THRB: variants seen among roughly 807,000 people sequenced by gnomAD.
THRB encodes nuclear receptor subfamily 1 group A member 2.
THRB carries 12 observed loss-of-function variants against 47.8 expected under a neutral mutation model. The ratio of observed to expected loss-of-function variants is 0.25; its 90% CI spans 0.16 to 0.41. The LOEUF is 0.41. THRB is among the 10% of genes least tolerant of loss of function. THRB has a pLI of 1.00. For synonymous variants in THRB, 218 were observed against 212.2 expected, an observed-to-expected ratio of 1.03 and a Z score of -0.24; for missense variants, 348 against 589.2, an observed-to-expected ratio of 0.59 and a Z score of 4.24.
At position 24,204,697 on chromosome 3, in the gene THRB, A is replaced by G. The variant is rs62253681; in HGVS notation, c.23-14363T>C. ...AGAGAAGAAGGCTTCAGACAATCAA[A>G]CTTCTCTGAGCTAAAGGAGGAAATT... On this transcript the variant is annotated intron_variant, in intron 4 of 10. Transcript: ENST00000646209. 5.8e-3 allele frequency among the ~76,000 whole-genome samples: 887 copies of G among 152,300 alleles called. 8 individuals are homozygous for G. The highest frequency in any genetic ancestry group is 0.042 in the South Asian group (202 of 4,828).
intron 5 of THRB, among the ~76,000 whole-genome samples, chr3:24,182,449 G>C (rs1342845053): frequency 6.6e-6 from 1 of 152,166 alleles, no homozygotes; most frequent in Non-Finnish European, 1.5e-5. Flanking sequence ...TGATGGAAGA[G>C]TCAAGGGATT....
At position 24,487,088 on chromosome 3, in the gene THRB, A is replaced by C. The variant is rs189581938; in HGVS notation, c.-261+7564T>G. 1.2e-3 allele frequency among the ~76,000 whole-genome samples: 183 copies of C among 152,346 alleles called. 5 individuals carry two copies. Among genetic ancestry groups the C allele is most frequent in the Admixed American group, 0.011 (165 of 15,304 alleles). On this transcript the variant is annotated intron_variant, in intron 1 of 10. Transcript: ENST00000646209. ...GACAGAAATTTAGCAGGACTTTTGC[A>C]TTCTTGCAAAACACTTCAACAACAG...
chr3:24,426,356 T>C lies in THRB; in HGVS notation c.-261+68296A>G, dbSNP rs575475088. On this transcript the variant is annotated intron_variant, in intron 1 of 10. Coordinates refer to ENST00000646209, the MANE Select transcript of THRB (RefSeq NM_001354712.2). ...TAGTTATATAAAATTGGGTTGAATCTCTACCAAACCCAGGACATACTCTGG... is the reference window on the plus strand; with the variant it reads ...TAGTTATATAAAATTGGGTTGAATCCCTACCAAACCCAGGACATACTCTGG... Among the ~76,000 whole-genome samples the C allele has an allele frequency of 2.0e-5, 3 of 152,094 alleles. No homozygotes were observed. The South Asian group carries it at 6.2e-4, about 31-fold the overall frequency.
intron 4 of THRB, among the ~76,000 whole-genome samples, chr3:24,224,371 G>A (rs768709006): frequency 3.3e-5 from 5 of 152,098 alleles, no homozygotes; most frequent in Non-Finnish European, 5.9e-5. Context: ...TTGAGGAAGC[G>A]TGTTTATTGA....
Position 24,203,868 on chromosome 3 carries a change from C to G in THRB, c.23-13534G>C, listed in dbSNP as rs142440103. ...CACACCAGGAGATTATATCCCACGC[C>G]TGGCTTGGAGGGTCCCACGCCCACG... is the stretch of plus-strand genomic sequence containing the variant. On this transcript the variant is annotated intron_variant, in intron 4 of 10. Coordinates refer to ENST00000646209, the MANE Select transcript of THRB (RefSeq NM_001354712.2). Among the ~76,000 whole-genome samples, 12 of 152,382 alleles carry G rather than the reference C, an allele frequency of 7.9e-5. No homozygotes were observed. In the South Asian group the frequency reaches 1.0e-3, roughly 13 times the overall value.
chr3:24,462,481 C>T (rs199751625), intron 1 of THRB, among the ~76,000 whole-genome samples: 14 of 152,270 alleles, frequency 9.2e-5, no homozygotes, highest in Non-Finnish European at 2.1e-4. Flanking sequence ...AACGTATTGC[C>T]GAGGTCATAG....
chr3:24,396,644 C>T (rs757846147), intron 1 of THRB, among the ~76,000 whole-genome samples: 1 of 152,086 alleles, frequency 6.6e-6, no homozygotes, highest in Non-Finnish European at 1.5e-5. Flanking sequence ...CTCCGATTTC[C>T]TCTGTTTTCA....
intron 1 of THRB, among the ~76,000 whole-genome samples, chr3:24,361,501 T>A (rs1221777964): frequency 6.6e-6 from 1 of 152,058 alleles, no homozygotes; most frequent in African/African-American, 2.4e-5. Context: ...CAGGAGGCAT[T>A]TGGAAATTCT....
chr3:24,269,089 G>A lies in THRB; in HGVS notation c.-43+28137C>T, dbSNP rs959687600. Among the ~76,000 whole-genome samples the A allele has an allele frequency of 8.5e-5, 13 of 152,198 alleles. 1 individual carries two copies. The highest frequency in any genetic ancestry group is 1.4e-4 in the African/African-American group (6 of 41,542). ...TGGCAATATCAACATATTGCTTCAT[G>A]ACCAACATATTGCTTCAGTCATTTT... On this transcript the variant is annotated intron_variant, in intron 3 of 10. Transcript: ENST00000646209.
chr3:24,186,265 G>C (rs970420059), intron 5 of THRB, among the ~76,000 whole-genome samples: 1 of 152,166 alleles, frequency 6.6e-6, no homozygotes, highest in Non-Finnish European at 1.5e-5. Context: ...CAAGCTCCAG[G>C]TTCTCCTAGT....
rs899727559 is a variant in THRB, at chr3:24,466,255, G to GT, written c.-261+28396dup. On this transcript the variant is annotated intron_variant, in intron 1 of 10. Coordinates refer to ENST00000646209, the MANE Select transcript of THRB (RefSeq NM_001354712.2). ...TCATTTGATTATCTTGGGTTTTATT[G>GT]TTTTTTTTCCTCTTATTTACCATCT... is the stretch of plus-strand genomic sequence containing the variant. Among the ~76,000 whole-genome samples the GT allele has an allele frequency of 7.3e-5, 11 of 150,960 alleles. No individual in the cohort carries two copies. In the South Asian group the frequency reaches 1.7e-3, roughly 23 times the overall value.
intron 9 of THRB, among the ~76,000 whole-genome samples, chr3:24,130,061 T>C (rs2033592281): frequency 6.6e-6 from 1 of 152,144 alleles, no homozygotes; most frequent in Non-Finnish European, 1.5e-5. Context: ...TTCACCTCTT[T>C]TGGGTTTGAG....
At chr3:24,488,690 T>C (rs1697678888) in intron 1 of THRB, among the ~76,000 whole-genome samples, 1 of 152,278 alleles carries the variant, frequency 6.6e-6, no homozygotes, top group Admixed American at 6.5e-5. Context: ...TACAATTCAA[T>C]ATATCTTAAC....
chr3:24,284,995 T>G (rs569234185), intron 3 of THRB, among the ~76,000 whole-genome samples: 70 of 152,254 alleles, frequency 4.6e-4, no homozygotes, highest in African/African-American at 1.7e-3. Context: ...GACTGTAAAC[T>G]AGTTCAACCA....
chr3:24,440,453 C>T (rs59952907), intron 1 of THRB, among the ~76,000 whole-genome samples: 3,154 of 152,236 alleles, frequency 0.021, 131 homozygotes, highest in East Asian at 0.18. Flanking sequence ...TTTCAAGACG[C>T]AGCCTCAATG....
intron 1 of THRB, among the ~76,000 whole-genome samples, chr3:24,488,635 T>C (rs1004773115): frequency 4.6e-5 from 7 of 152,058 alleles, no homozygotes; most frequent in Non-Finnish European, 5.9e-5. Context: ...ACATTGTCCA[T>C]TGTTCAGTAA....
At chr3:24,284,774 C>T (rs936166146) in intron 3 of THRB, among the ~76,000 whole-genome samples, 3 of 150,390 alleles carry the variant, frequency 2.0e-5, no homozygotes, top group East Asian at 1.9e-4. Flanking sequence ...GGGCAGAGGA[C>T]ATGAACAGAC....
chr3:24,446,926 T>C (rs770252648), intron 1 of THRB, among the ~76,000 whole-genome samples: 7 of 152,160 alleles, frequency 4.6e-5, no homozygotes, highest in Non-Finnish European at 1.0e-4. Flanking sequence ...ATCACAGAGA[T>C]CTTTACAAGG....
chr3:24,278,156 T>C (rs1050396868), intron 3 of THRB, among the ~76,000 whole-genome samples: 1 of 152,350 alleles, frequency 6.6e-6, no homozygotes, highest in African/African-American at 2.4e-5. Flanking sequence ...ACAGAAAGAT[T>C]TGTAATGCCT....
Sources: allele counts gnomAD v4.1 joint callset (sites outside exome capture counted in the v4.1 genomes callset), GRCh38; gene constraint gnomAD v4.1.1; transcripts MANE v1.5; gene names NCBI Gene and HGNC (gene_info 2026-07-23, HGNC 2026-07-21).